DDAH1: variants seen among roughly 807,000 people sequenced by gnomAD.
The protein encoded by DDAH1 is dimethylarginine dimethylaminohydrolase 1, also known as N(G),N(G)-dimethylarginine dimethylaminohydrolase 1.
A neutral mutation model predicts 28.8 loss-of-function variants in DDAH1; 19 were observed. The observed-to-expected ratio is 0.66, with a 90% CI of 0.46 to 0.97. DDAH1 has a LOEUF of 0.97. DDAH1 is among the 50% of genes least tolerant of loss of function. The pLI, the probability that DDAH1 is intolerant of heterozygous loss-of-function variation, is 0.00. For missense variants in DDAH1, 326 were observed against 375.9 expected (o/e 0.87, Z 1.10); for synonymous variants, 153 against 154.4 (o/e 0.99, Z 0.07).
chr1:85,370,096 A>C (rs1401114475), intron 1 of DDAH1, among the ~76,000 whole-genome samples: 1 of 152,184 alleles, frequency 6.6e-6, no homozygotes, highest in Non-Finnish European at 1.5e-5. Flanking sequence ...CTGCCTTTAG[A>C]GATGGGGTCT....
chr1:85,440,066 T>A (rs1654122676), intron 1 of DDAH1, among the ~76,000 whole-genome samples: 1 of 152,178 alleles, frequency 6.6e-6, no homozygotes, highest in Admixed American at 6.5e-5. Flanking sequence ...AAAGCTGACA[T>A]GGGCTTTAAA....
chr1:85,506,705 G>T (rs573612515), intron 1 of DDAH1, among the ~76,000 whole-genome samples: 1 of 152,332 alleles, frequency 6.6e-6, no homozygotes, highest in East Asian at 1.9e-4. Flanking sequence ...GCAAAAGTGT[G>T]GATGGCCTTG....
chr1:85,523,743 A>T (rs1213097449), intron 1 of DDAH1, among the ~76,000 whole-genome samples: 1 of 152,188 alleles, frequency 6.6e-6, no homozygotes, highest in Non-Finnish European at 1.5e-5. Flanking sequence ...TTTACTCCTC[A>T]TGTGGGAAGT....
At chr1:85,344,614 T>G (rs916279689) in intron 4 of DDAH1, among the ~76,000 whole-genome samples, 4 of 145,340 alleles carry the variant, frequency 2.8e-5, no homozygotes, top group Admixed American at 6.8e-5. Context: ...CTTTCCTTCC[T>G]TAAGAAAATT....
chr1:85,337,654 A>G (rs1213785626), intron 4 of DDAH1, among the ~76,000 whole-genome samples: 3 of 152,102 alleles, frequency 2.0e-5, no homozygotes, highest in African/African-American at 7.2e-5. Flanking sequence ...GGGTTTCACC[A>G]TATTGGCCAG....
chr1:85,480,019 A>C (rs1655955765), intron 2 of DDAH1, among the ~76,000 whole-genome samples: 1 of 152,258 alleles, frequency 6.6e-6, no homozygotes, highest in Non-Finnish European at 1.5e-5. Context: ...AGGAACAACT[A>C]TGAGCAATTA....
chr1:85,473,289 A>G (rs1655681051), intron 2 of DDAH1, among the ~76,000 whole-genome samples: 2 of 151,956 alleles, frequency 1.3e-5, no homozygotes, highest in South Asian at 4.2e-4. Flanking sequence ...TATATTAGCT[A>G]TTTTTTCAGT....
At chr1:85,577,991 C>T in exon 1 of DDAH1, 1 of 985,476 alleles carries the variant, frequency 1.0e-6, no homozygotes, top group Non-Finnish European at 1.2e-6. Context: ...TACCCATAAA[C>T]ATTTGCACAT....
intron 1 of DDAH1, among the ~76,000 whole-genome samples, chr1:85,433,703 T>C (rs1371345154): frequency 6.6e-6 from 1 of 152,206 alleles, no homozygotes. Context: ...TGTTCTTTCA[T>C]AAAAACAATA....
chr1:85,441,213 G>A (rs1037636506), intron 1 of DDAH1, among the ~76,000 whole-genome samples: 8 of 152,172 alleles, frequency 5.3e-5, no homozygotes, highest in Non-Finnish European at 8.8e-5. Context: ...ACACAAGGAA[G>A]GAAAGATTAC....
intron 1 of DDAH1, among the ~76,000 whole-genome samples, chr1:85,414,049 C>T (rs1652776846): frequency 6.6e-6 from 1 of 152,148 alleles, no homozygotes; most frequent in Non-Finnish European, 1.5e-5. Context: ...AGGCACTGTA[C>T]ATTTAACTTT....
At chr1:85,419,072 T>G (rs1653013891) in intron 1 of DDAH1, among the ~76,000 whole-genome samples, 1 of 152,078 alleles carries the variant, frequency 6.6e-6, no homozygotes. Context: ...TATGCTAAGT[T>G]TTACAGGAAA....
At chr1:85,573,126 T>C (rs1370693721) in intron 1 of DDAH1, among the ~76,000 whole-genome samples, 1 of 152,208 alleles carries the variant, frequency 6.6e-6, no homozygotes, top group African/African-American at 2.4e-5. Context: ...GAGCAGTAAA[T>C]ATGTCTTATG....
chr1:85,434,474 T>C (rs1653840827), intron 1 of DDAH1, among the ~76,000 whole-genome samples: 1 of 152,058 alleles, frequency 6.6e-6, no homozygotes, highest in Admixed American at 6.6e-5. Flanking sequence ...TGGAGTGCAG[T>C]GGCATGATCT....
At chr1:85,561,441 C>T (rs1032810867) in intron 1 of DDAH1, among the ~76,000 whole-genome samples, 1 of 151,876 alleles carries the variant, frequency 6.6e-6, no homozygotes, top group African/African-American at 2.4e-5. Context: ...TTGCACCAAC[C>T]TAATAGAAGA....
At chr1:85,348,293 G>A (rs904540739) in intron 4 of DDAH1, among the ~76,000 whole-genome samples, 2 of 152,122 alleles carry the variant, frequency 1.3e-5, no homozygotes, top group African/African-American at 4.8e-5. Flanking sequence ...TAGGGCTTGG[G>A]GTTTTTTTCC....
intron 1 of DDAH1, among the ~76,000 whole-genome samples, chr1:85,436,928 TA>T (rs2100645850): frequency 6.6e-6 from 1 of 152,326 alleles, no homozygotes; most frequent in South Asian, 2.1e-4. Context: ...TCCATGGTTT[TA>T]AAACAAGTTC....
chr1:85,507,472 C>T (rs1410692108), intron 1 of DDAH1, among the ~76,000 whole-genome samples: 1 of 151,082 alleles, frequency 6.6e-6, no homozygotes, highest in African/African-American at 2.4e-5. Flanking sequence ...CACTGTACTC[C>T]AGCCTAGGTG....
intron 1 of DDAH1, among the ~76,000 whole-genome samples, chr1:85,413,058 G>T (rs1354291669): frequency 6.6e-6 from 1 of 152,180 alleles, no homozygotes. Flanking sequence ...GAAATATATA[G>T]CCAGAGAAAA....
Sources: allele counts gnomAD v4.1 joint callset (sites outside exome capture counted in the v4.1 genomes callset), GRCh38; gene constraint gnomAD v4.1.1; transcripts MANE v1.5; gene names NCBI Gene and HGNC (gene_info 2026-07-23, HGNC 2026-07-21).